KCNA6: variants seen among roughly 807,000 people sequenced by gnomAD.
KCNA6 encodes the protein potassium voltage-gated channel subfamily A member 6.
KCNA6 carries 17 observed loss-of-function variants against 29.5 expected under a neutral mutation model. The observed-to-expected ratio is 0.58, with a 90% CI of 0.39 to 0.86. KCNA6 has a LOEUF of 0.86. Among genes scored for constraint, KCNA6 ranks in the 40% least tolerant of loss-of-function variants. KCNA6 has a pLI of 0.00. For synonymous variants in KCNA6, 296 were observed against 304.7 expected (o/e 0.97, Z 0.30); for missense variants, 450 against 703.4 (o/e 0.64, Z 4.07).
downstream of KCNA6, among the ~76,000 whole-genome samples, chr12:4,816,246 ACTGGTGTGTGTGT>A (rs1002047897): frequency 3.8e-5 from 5 of 131,302 alleles, no homozygotes; most frequent in Non-Finnish European, 8.0e-5. Context: ...AATACCACGA[ACTGGTGTGTGTGT>A]GTGTGTGTGT....
downstream of KCNA6, among the ~76,000 whole-genome samples, chr12:4,817,298 G>T (rs911979196): frequency 6.6e-6 from 1 of 152,214 alleles, no homozygotes; most frequent in Non-Finnish European, 1.5e-5. Context: ...TTGGCAGTTG[G>T]CAGGGAGAGG....
the KCNA6 span, among the ~76,000 whole-genome samples, chr12:4,830,784 G>A: frequency 6.6e-6 from 1 of 152,246 alleles, no homozygotes; most frequent in African/African-American, 2.4e-5. Flanking sequence ...GAGGCTGCGG[G>A]AGAAGGCGGG....
the KCNA6 span, among the ~76,000 whole-genome samples, chr12:4,837,284 G>C: frequency 6.6e-6 from 1 of 152,088 alleles, no homozygotes; most frequent in Non-Finnish European, 1.5e-5. Flanking sequence ...ACCTTGCCCT[G>C]TACATCTCTT....
At chr12:4,835,711 A>C in the KCNA6 span, among the ~76,000 whole-genome samples, 2 of 152,102 alleles carry the variant, frequency 1.3e-5, no homozygotes, top group East Asian at 3.9e-4. Context: ...GGCTACCTTG[A>C]ACAACCTAGT....
At chr12:4,839,062 A>G in the KCNA6 span, 1 of 152,234 alleles carries the variant, frequency 6.6e-6, no homozygotes, top group Non-Finnish European at 1.5e-5. Flanking sequence ...CAGGCATAAT[A>G]TGCACAAAAA....
the KCNA6 span, among the ~76,000 whole-genome samples, chr12:4,843,377 T>C: frequency 6.6e-6 from 1 of 152,176 alleles, no homozygotes; most frequent in Non-Finnish European, 1.5e-5. Context: ...AGACAGGGTT[T>C]CACCGTGTTA....
At chr12:4,845,313 T>C in the KCNA6 span, among the ~76,000 whole-genome samples, 1 of 152,260 alleles carries the variant, frequency 6.6e-6, no homozygotes, top group Non-Finnish European at 1.5e-5. Context: ...GGATGGATGT[T>C]AAATTCCAGA....
chr12:4,818,635 A>G, the KCNA6 span, among the ~76,000 whole-genome samples: 2 of 152,194 alleles, frequency 1.3e-5, no homozygotes, highest in Non-Finnish European at 2.9e-5. Context: ...ATGTCTTTAA[A>G]GGCACACAGT....
At position 4,811,682 on chromosome 12, in the gene KCNA6, A is replaced by G. The variant is rs1294547843; in HGVS notation, c.*51A>G. On this transcript the variant is annotated 3_prime_UTR_variant, in exon 1 of 1. Coordinates refer to ENST00000280684, the Ensembl canonical transcript of KCNA6. This position sits in a 1 kb window ranked among gnomAD's most constrained non-coding sequence, Gnocchi z 7.1. ...GGGAGCACTGAGCTAACAGTCTCTT[A>G]GGCTTCCTTCTCATTTCCACTACTC... is the stretch of plus-strand genomic sequence containing the variant. 3 of 1,559,942 alleles carry G rather than the reference A, an allele frequency of 1.9e-6. No homozygotes were observed. In the East Asian group the frequency reaches 6.7e-5, roughly 35 times the overall value.
At chr12:4,830,440 C>T in the KCNA6 span, among the ~76,000 whole-genome samples, 1 of 152,236 alleles carries the variant, frequency 6.6e-6, no homozygotes, top group Non-Finnish European at 1.5e-5. Flanking sequence ...CTGAGTCCTT[C>T]CTGGGAGGCG....
the KCNA6 span, among the ~76,000 whole-genome samples, chr12:4,831,480 G>A: frequency 6.6e-6 from 1 of 152,158 alleles, no homozygotes; most frequent in Non-Finnish European, 1.5e-5. Context: ...GGAAAAAAAC[G>A]TTCTGGTTCA....
chr12:4,841,702 C>A, the KCNA6 span, among the ~76,000 whole-genome samples: 1 of 152,118 alleles, frequency 6.6e-6, no homozygotes, highest in South Asian at 2.1e-4. Context: ...TTCTGTCAGT[C>A]AATTTCCATT....
At chr12:4,829,224 C>T in the KCNA6 span, among the ~76,000 whole-genome samples, 5 of 152,132 alleles carry the variant, frequency 3.3e-5, no homozygotes, top group African/African-American at 4.8e-5. Flanking sequence ...AGTTTCACCC[C>T]GGTGGAGCAG....
At chr12:4,822,877 TGG>T in the KCNA6 span, among the ~76,000 whole-genome samples, 1 of 152,244 alleles carries the variant, frequency 6.6e-6, no homozygotes. Flanking sequence ...TTGCCTCTCC[TGG>T]GTTATTCCCA....
chr12:4,837,338 C>A, the KCNA6 span, among the ~76,000 whole-genome samples: 3 of 152,184 alleles, frequency 2.0e-5, no homozygotes, highest in Non-Finnish European at 4.4e-5. Context: ...AAGTAAGTTT[C>A]CTGAGTTCTG....
the KCNA6 span, among the ~76,000 whole-genome samples, chr12:4,822,644 A>G: frequency 6.6e-6 from 1 of 152,230 alleles, no homozygotes; most frequent in African/African-American, 2.4e-5. Context: ...TTCTGCGTTC[A>G]GAGATGTATC....
At chr12:4,837,118 G>A in the KCNA6 span, among the ~76,000 whole-genome samples, 1 of 152,134 alleles carries the variant, frequency 6.6e-6, no homozygotes, top group Non-Finnish European at 1.5e-5. Flanking sequence ...ATCATCAATG[G>A]CCAGTGGTTA....
chr12:4,821,418 ATGTGTGTGTGTG>A, the KCNA6 span, among the ~76,000 whole-genome samples: 7,859 of 143,482 alleles, frequency 0.055, 280 homozygotes, highest in East Asian at 0.17. Context: ...ACTCACTTGG[ATGTGTGTGTGTG>A]TGTGTGTGTG....
chr12:4,830,026 A>T, the KCNA6 span, among the ~76,000 whole-genome samples: 1 of 152,236 alleles, frequency 6.6e-6, no homozygotes, highest in African/African-American at 2.4e-5. Flanking sequence ...TGAGACTCAC[A>T]GGATGAAATC....
Sources: gnomAD v4.1 joint callset for allele counts (sites outside exome capture counted in the v4.1 genomes callset) on GRCh38, gnomAD v4.1.1 for gene constraint, Gnocchi (gnomAD v3.1) non-coding constraint, MANE v1.5 for transcripts, NCBI Gene and HGNC (gene_info 2026-07-23, HGNC 2026-07-21) for gene names.